Variants in ALOX12 observed in about 807,000 individuals in gnomAD.
ALOX12 encodes arachidonate 12-lipoxygenase, 12S type.
Under a neutral mutation model 85.5 loss-of-function variants are expected in ALOX12, and 62 were observed. The ratio of observed to expected loss-of-function variants is 0.73; its 90% CI spans 0.59 to 0.90. The LOEUF is 0.90. Among genes scored for constraint, ALOX12 ranks in the 40% least tolerant of loss-of-function variants. The pLI, the probability that ALOX12 is intolerant of heterozygous loss-of-function variation, is 0.00. For synonymous variants in ALOX12, 299 were observed against 332.7 expected, an observed-to-expected ratio of 0.90 and a Z score of 1.10; for missense variants, 751 against 856.5, an observed-to-expected ratio of 0.88 and a Z score of 1.54.
chr17:6,996,260 C>CGGGGAGCGAGGGGAGCTA lies in ALOX12; in HGVS notation c.135+12_135+29dup, dbSNP rs1908430314. 1.3e-5 allele frequency: 16 copies of CGGGGAGCGAGGGGAGCTA among 1,233,422 alleles called. No homozygotes were observed. The highest frequency in any genetic ancestry group is 1.5e-5 in the Non-Finnish European group (15 of 983,972). The allele number at this position is 1,233,422 out of a possible 1,614,324, so 76.4% of individuals were successfully genotyped here. A position where few individuals can be genotyped will look rare whatever the true frequency, so the allele number is the denominator to read the frequency against. On this transcript the variant is annotated intron_variant, in intron 1 of 13. Coordinates refer to ENST00000251535, the MANE Select transcript of ALOX12 (RefSeq NM_000697.3). ...CGGCCCGCGCGGGGCGAGGTCAGCGCGGGGAGCGAGGGGAGCTAGGGCAGC... is the reference window on the plus strand; with the variant it reads ...CGGCCCGCGCGGGGCGAGGTCAGCGCGGGGAGCGAGGGGAGCTAGGGGAGCGAGGGGAGCTAGGGCAGC...
At position 7,005,174 on chromosome 17, in the gene ALOX12, C is replaced by T. The variant is rs538122955; in HGVS notation, c.1162-83C>T. Reference sequence around the variant, plus strand: ...AAAGGAAAGCATCAAGAGGAGAAGGCGCCATGCTGGGTGCCAGGCCCTACC... The same window carrying T: ...AAAGGAAAGCATCAAGAGGAGAAGGTGCCATGCTGGGTGCCAGGCCCTACC... On this transcript the variant is annotated intron_variant, in intron 8 of 13. Transcript: ENST00000251535. 3.2e-4 allele frequency: 380 copies of T among 1,186,662 alleles called. 1 individual carries two copies. In the African/African-American group the frequency reaches 4.8e-3, roughly 15 times the overall value. 73.5% of individuals were successfully genotyped at this position (1,186,662 alleles called of 1,614,324 possible).
rs1908651816 is a variant in ALOX12 at position 7,000,376 on chromosome 17, G to A, written c.848G>A (p.Gly283Glu). ...LFEADFILLD[G>E]IPANVIRGEK... ...GAAGCTGACTTCATCCTTCTGGATGGAATTCCAGCCAACGTGATCCGAGGA... is the reference window on the plus strand; with the variant it reads ...GAAGCTGACTTCATCCTTCTGGATGAAATTCCAGCCAACGTGATCCGAGGA... Residue 283 changes from glycine (G) to glutamate (E), a missense_variant, in exon 7 of 14, where the codon GGA (glycine) becomes GAA (glutamate). Coordinates refer to ENST00000251535, the MANE Select transcript of ALOX12 (RefSeq NM_000697.3). The surrounding 1 kb of genome is among the most constrained non-coding windows in gnomAD (Gnocchi z 4.6). 6.2e-7 allele frequency: 1 copy of A among 1,614,012 alleles called. No individual in the cohort carries two copies. The highest frequency in any genetic ancestry group is 1.3e-5 in the African/African-American group (1 of 74,892).
At chr17:7,003,933 C>T (rs188843331) in intron 8 of ALOX12, among the ~76,000 whole-genome samples, 91 of 152,066 alleles carry the variant, frequency 6.0e-4, no homozygotes, top group African/African-American at 2.1e-3. Context: ...AGACAAGCAC[C>T]AAAACTGCTT....
At position 6,996,834 on chromosome 17, in the gene ALOX12, G is replaced by A. The variant is rs375708757; in HGVS notation, c.144G>A (p.Glu48=). 10 of 1,612,582 alleles carry A rather than the reference G, an allele frequency of 6.2e-6. No individual in the cohort carries two copies. The highest frequency in any genetic ancestry group is 5.5e-5 in the South Asian group (5 of 90,974). The change falls in exon 2 of 14, where the codon GAG becomes GAA. Residue 48 remains glutamate, a synonymous_variant. Coordinates refer to ENST00000251535, the MANE Select transcript of ALOX12 (RefSeq NM_000697.3). The part of the protein sequence containing the change: ...QLRPARGEEE[E]FDHDVAEDLG... ...GGGTCCGGCCTGCACAGGAGGAGGA[G>A]TTTGATCATGACGTTGCAGAGGACT...
chr17:7,010,417 C>T lies in ALOX12; in HGVS notation c.1986C>T (p.Thr662=). 6.2e-7 allele frequency: 1 copy of T among 1,613,720 alleles called. No homozygotes were observed. The highest frequency in any genetic ancestry group is 2.2e-5 in the East Asian group (1 of 44,878). The change falls in exon 14 of 14, where the codon ACC becomes ACT. Residue 662 remains threonine (T), a synonymous_variant. Coordinates refer to ENST00000251535, the MANE Select transcript of ALOX12 (RefSeq NM_000697.3). ...LKPSCIENSV[T]I ...CCAGCTGCATAGAGAACAGTGTCAC[C>T]ATCTGAGCCCTAGAGTGACTCTACC...
At chr17:7,005,439 C>A in intron 9 of ALOX12, 96 bp downstream of exon 9, 15 of 804,670 alleles carry the variant, frequency 1.9e-5, no homozygotes, top group African/African-American at 3.5e-5. Context: ...TGTCCTCACT[C>A]TTAACCTATG....
At position 7,006,475 on chromosome 17, in the gene ALOX12, C is replaced by T. The variant is rs758283804; in HGVS notation, c.1419-11C>T. The T allele has an allele frequency of 5.0e-6, 8 of 1,613,324 alleles. No homozygotes were observed. In the African/African-American group the frequency reaches 9.3e-5, roughly 19 times the overall value. ...GCTTTCTGCCCTCAAGTGCCTTTTC[C>T]CCCTGGGCAGGTATGTGGAGGGGAT... On this transcript the variant is annotated splice_polypyrimidine_tract_variant and intron_variant, in intron 10 of 13. Coordinates refer to ENST00000251535, the MANE Select transcript of ALOX12 (RefSeq NM_000697.3).
At chr17:6,998,125 C>T (rs1030621748) in intron 2 of ALOX12, among the ~76,000 whole-genome samples, 2 of 151,328 alleles carry the variant, frequency 1.3e-5, no homozygotes, top group Non-Finnish European at 2.9e-5. Context: ...TTAATCAAAG[C>T]AATCTGTAGT....
chr17:7,002,411 A>G (rs1908752909), intron 8 of ALOX12: 1 of 453,774 alleles, frequency 2.2e-6, no homozygotes, highest in African/African-American at 2.0e-5. Flanking sequence ...GCCTGGGTGC[A>G]AGAGAGAGAA....
Position 6,996,240 on chromosome 17 carries a change from C to G in ALOX12, c.123C>G (p.Pro41=), listed in dbSNP as rs312467. 1,233,907 of 1,245,516 alleles carry G rather than the reference C, an allele frequency of 0.99. 611,800 individuals are homozygous for G. Among genetic ancestry groups the G allele is most frequent in the Non-Finnish European group, 1 (988,896 of 989,270 alleles). The allele number at this position is 1,245,516 out of a possible 1,614,324, so 77.2% of individuals were successfully genotyped here. A position where few individuals can be genotyped will look rare whatever the true frequency, so the allele number is the denominator to read the frequency against. Residue 41 remains proline (P), a synonymous_variant, in exon 1 of 14, where the codon CCC becomes CCG. Coordinates refer to ENST00000251535, the MANE Select transcript of ALOX12 (RefSeq NM_000697.3). ...GEAELELQLR[P]ARGEEEEFDH... ...CGGAGCTGGAGCTGCAGCTGCGGCC[C>G]GCGCGGGGCGAGGTCAGCGCGGGGA...
chr17:7,005,444 C>T, intron 9 of ALOX12, 101 bp downstream of exon 9: 1 of 894,432 alleles, frequency 1.1e-6, no homozygotes, highest in South Asian at 1.3e-5. Flanking sequence ...TCACTCTTAA[C>T]CTATGAACCT....
At chr17:7,002,401 G>C in intron 8 of ALOX12, 1 of 437,050 alleles carries the variant, frequency 2.3e-6, no homozygotes, top group Admixed American at 2.8e-5. Context: ...GCTGCAGCGT[G>C]CCTGGGTGCA....
chr17:7,006,606 A>G lies in ALOX12; in HGVS notation c.1539A>G (p.Arg513=), dbSNP rs200814250. 1.9e-6 allele frequency: 3 copies of G among 1,597,100 alleles called. No homozygotes were observed. The highest frequency in any genetic ancestry group is 2.6e-6 in the Non-Finnish European group (3 of 1,171,336). Residue 513 remains arginine (R), a splice_region_variant and synonymous_variant, in exon 11 of 14, where the codon CGA becomes CGG. Transcript: ENST00000251535. Reference sequence around the variant, plus strand: ...TGGGGCTGTGCCAGGCCCAGGACCGAGGTAAGATCCATTCTAGAGACAGAA... The same window carrying G: ...TGGGGCTGTGCCAGGCCCAGGACCGGGGTAAGATCCATTCTAGAGACAGAA... The part of the protein sequence containing the change: ...TEVGLCQAQD[R]GFPVSFQSQS...
chr17:7,002,471 G>C, intron 8 of ALOX12: 1 of 469,210 alleles, frequency 2.1e-6, no homozygotes, highest in South Asian at 1.6e-5. Context: ...TGGGGCAGGT[G>C]TGTTATACTG....
At position 6,996,927 on chromosome 17, in the gene ALOX12, C is replaced by T. The variant is rs1467707402; in HGVS notation, c.237C>T (p.Asp79=). ...HWLVDDAWFC[D]RITVQGPGAC... ...TGGTGGACGACGCGTGGTTCTGCGACCGCATCACGGTGCAGGGCCCTGGAG... is the reference window on the plus strand; with the variant it reads ...TGGTGGACGACGCGTGGTTCTGCGATCGCATCACGGTGCAGGGCCCTGGAG... Residue 79 remains aspartate, a synonymous_variant, in exon 2 of 14, where the codon GAC becomes GAT. Coordinates refer to ENST00000251535, the MANE Select transcript of ALOX12 (RefSeq NM_000697.3). The T allele has an allele frequency of 6.2e-7, 1 of 1,610,724 alleles. No homozygotes were observed. The highest frequency in any genetic ancestry group is 1.7e-5 in the Admixed American group (1 of 59,532).
chr17:6,996,329 G>T (rs575478775), intron 1 of ALOX12, 77 bp downstream of exon 1: 2 of 1,210,130 alleles, frequency 1.7e-6, no homozygotes, highest in South Asian at 4.2e-5. Flanking sequence ...GCTCGCGGCG[G>T]GAGGGCGGGA....
intron 2 of ALOX12, among the ~76,000 whole-genome samples, chr17:6,997,969 T>C (rs189492404): frequency 6.6e-5 from 10 of 151,050 alleles, no homozygotes; most frequent in Non-Finnish European, 1.3e-4. Flanking sequence ...GACAGGTGAG[T>C]GTAAATGCAG....
chr17:6,996,685 G>A (rs1008454392), intron 1 of ALOX12, 141 bp from the exon 2 acceptor site: 2 of 1,073,652 alleles, frequency 1.9e-6, no homozygotes, highest in African/African-American at 3.2e-5. Context: ...CCAAAGAGCA[G>A]GTTGTGCGGG....
chr17:7,000,253 A>G lies in ALOX12; in HGVS notation c.808-83A>G. The G allele has an allele frequency of 6.7e-7, 1 of 1,496,910 alleles. No homozygotes were observed. Among genetic ancestry groups the G allele is most frequent in the Non-Finnish European group, 9.2e-7 (1 of 1,088,672 alleles). The allele number at this position is 1,496,910 out of a possible 1,614,324, so 92.7% of individuals were successfully genotyped here. On this transcript the variant is annotated intron_variant, in intron 6 of 13. Coordinates refer to ENST00000251535, the MANE Select transcript of ALOX12 (RefSeq NM_000697.3). This position sits in a 1 kb window ranked among gnomAD's most constrained non-coding sequence, Gnocchi z 4.6. Reference sequence around the variant, plus strand: ...TGATGCAGGAGAATGGCAAGAAGCTAGACTAAATCTCTTGCCCTTTGCCCC... The same window carrying G: ...TGATGCAGGAGAATGGCAAGAAGCTGGACTAAATCTCTTGCCCTTTGCCCC...
Sources: gnomAD v4.1 joint callset for allele counts (sites outside exome capture counted in the v4.1 genomes callset) on GRCh38, gnomAD v4.1.1 for gene constraint, Gnocchi (gnomAD v3.1) non-coding constraint, MANE v1.5 for transcripts, NCBI Gene and HGNC (gene_info 2026-07-23, HGNC 2026-07-21) for gene names.